C8orf34: variants seen among roughly 807,000 people sequenced by gnomAD.
The protein encoded by C8orf34 is chromosome 8 open reading frame 34, also known as uncharacterized protein C8orf34.
In C8orf34, 65 loss-of-function variants were observed where a neutral mutation model predicts 68.3. That is an observed-to-expected ratio of 0.95 (90% CI 0.78 to 1.17). The LOEUF is 1.17. Ranked by LOEUF, C8orf34 falls within the 50% of genes most tolerant of loss-of-function variation. The pLI, the probability that C8orf34 is intolerant of heterozygous loss-of-function variation, is 0.00. For missense variants in C8orf34, 664 were observed against 655.4 expected (o/e 1.01, Z -0.14); for synonymous variants, 244 against 241.2 (o/e 1.01, Z -0.11).
intron 7 of C8orf34, among the ~76,000 whole-genome samples, chr8:68,540,038 G>A (rs1013528829): frequency 9.2e-5 from 14 of 152,026 alleles, no homozygotes; most frequent in African/African-American, 3.1e-4. Flanking sequence ...AGTCCTATGT[G>A]TGAATTATTT....
chr8:68,536,780 GT>G (rs1815495151), intron 7 of C8orf34, among the ~76,000 whole-genome samples: 1 of 151,992 alleles, frequency 6.6e-6, no homozygotes, highest in Admixed American at 6.6e-5. Flanking sequence ...TATTAATTAT[GT>G]TTTATACTTT....
At chr8:68,400,546 T>A (rs1224322391) in intron 1 of C8orf34, among the ~76,000 whole-genome samples, 1 of 152,118 alleles carries the variant, frequency 6.6e-6, no homozygotes, top group Non-Finnish European at 1.5e-5. Flanking sequence ...TGTTGATCTA[T>A]GTGTCTGTTT....
At chr8:68,430,402 T>C (rs890272543) in intron 1 of C8orf34, among the ~76,000 whole-genome samples, 6 of 152,154 alleles carry the variant, frequency 3.9e-5, no homozygotes, top group African/African-American at 1.4e-4. Flanking sequence ...TGGAGTACTG[T>C]GAGCTATTCT....
At chr8:68,535,072 T>C (rs1815405325) in intron 7 of C8orf34, 32 of 985,324 alleles carry the variant, frequency 3.2e-5, no homozygotes, top group Non-Finnish European at 3.9e-5. Flanking sequence ...TATCCTCTTA[T>C]AGCTTGGAAT....
At chr8:68,783,197 A>G (rs943212672) in intron 11 of C8orf34, among the ~76,000 whole-genome samples, 1 of 152,184 alleles carries the variant, frequency 6.6e-6, no homozygotes, top group Non-Finnish European at 1.5e-5. Context: ...GGACTGCTGA[A>G]GGCAACCTGC....
intron 7 of C8orf34, among the ~76,000 whole-genome samples, chr8:68,632,091 A>G (rs1357242534): frequency 1.3e-5 from 2 of 152,158 alleles, no homozygotes; most frequent in Non-Finnish European, 2.9e-5. Context: ...AAGATGTGGG[A>G]AAGTTTGGAA....
chr8:68,330,877 G>A (rs1281738624), upstream of C8orf34: 7 of 721,264 alleles, frequency 9.7e-6, no homozygotes, highest in Non-Finnish European at 1.4e-5. Flanking sequence ...TGCGCCCCTC[G>A]ACACAGCTCG....
intron 4 of C8orf34, among the ~76,000 whole-genome samples, chr8:68,482,533 C>T (rs1284406832): frequency 2.0e-5 from 3 of 152,090 alleles, no homozygotes; most frequent in African/African-American, 7.2e-5. Context: ...CCTCGGCTTC[C>T]CAAAGTGTTA....
intron 8 of C8orf34, among the ~76,000 whole-genome samples, chr8:68,650,848 T>C (rs1008255616): frequency 6.6e-6 from 1 of 152,140 alleles, no homozygotes; most frequent in South Asian, 2.1e-4. Flanking sequence ...TTCTTCACTA[T>C]ATACGTGGTG....
chr8:68,666,765 A>T (rs1183354112), intron 8 of C8orf34, among the ~76,000 whole-genome samples: 1 of 152,188 alleles, frequency 6.6e-6, no homozygotes. Flanking sequence ...TACAAAAAGA[A>T]ACAATTTAGA....
chr8:68,673,557 A>C (rs1436581871), intron 8 of C8orf34, among the ~76,000 whole-genome samples: 2 of 152,092 alleles, frequency 1.3e-5, no homozygotes, highest in Non-Finnish European at 1.5e-5. Context: ...TCTGCTTGTG[A>C]AAACAGAAGA....
At position 68,331,312 on chromosome 8, in the gene C8orf34, G is replaced by A. The variant is rs1382347250; in HGVS notation, c.300G>A (p.Glu100=). Residue 100 remains glutamate (E), a synonymous_variant, in exon 1 of 14, where the codon GAG becomes GAA. Transcript: ENST00000518698. The part of the protein sequence containing the change: ...HPQTRIQAYL[E]KNKIGPLFEE... ...AAACCCGGATCCAGGCTTACCTGGA[G>A]AAGAACAAGATCGGTCCCCTGTTTG... 6.5e-7 allele frequency: 1 copy of A among 1,536,504 alleles called. No individual in the cohort carries two copies. The highest frequency in any genetic ancestry group is 8.7e-7 in the Non-Finnish European group (1 of 1,146,996).
At chr8:68,715,655 T>TAA (rs59970473) in intron 9 of C8orf34, among the ~76,000 whole-genome samples, 1 of 140,724 alleles carries the variant, frequency 7.1e-6, no homozygotes, top group East Asian at 2.1e-4. Flanking sequence ...CTATAAAAAA[T>TAA]AAAAAAAAAA....
intron 7 of C8orf34, chr8:68,534,531 G>A (rs924115530): frequency 2.7e-6 from 2 of 736,214 alleles, no homozygotes; most frequent in Non-Finnish European, 3.3e-6. Flanking sequence ...TGTGTATAGG[G>A]GTAACACCTA....
intron 1 of C8orf34, among the ~76,000 whole-genome samples, chr8:68,415,975 C>T (rs1809647740): frequency 6.6e-6 from 1 of 152,154 alleles, no homozygotes; most frequent in East Asian, 1.9e-4. Flanking sequence ...ACCCCAATTT[C>T]CTTATTCTAA....
chr8:68,612,136 G>A (rs1339400892), intron 7 of C8orf34, among the ~76,000 whole-genome samples: 2 of 151,974 alleles, frequency 1.3e-5, no homozygotes, highest in Non-Finnish European at 2.9e-5. Flanking sequence ...CGGTCATCTC[G>A]TATCATTATC....
chr8:68,684,792 A>T (rs1011272242), intron 8 of C8orf34, among the ~76,000 whole-genome samples: 4 of 151,824 alleles, frequency 2.6e-5, no homozygotes, highest in Middle Eastern at 3.2e-3. Flanking sequence ...TATTAAAAAA[A>T]AAATATTTTT....
At chr8:68,462,158 A>G (rs1451561645) in intron 3 of C8orf34, among the ~76,000 whole-genome samples, 1 of 152,128 alleles carries the variant, frequency 6.6e-6, no homozygotes, top group Non-Finnish European at 1.5e-5. Flanking sequence ...CTGATAAAAC[A>G]GACTTTAAAC....
At chr8:68,768,277 A>G (rs545629186) in intron 10 of C8orf34, among the ~76,000 whole-genome samples, 16 of 152,222 alleles carry the variant, frequency 1.1e-4, no homozygotes, top group African/African-American at 3.1e-4. Context: ...CTTACATTGT[A>G]TATTTCCTGC....
Sources: allele counts gnomAD v4.1 joint callset (sites outside exome capture counted in the v4.1 genomes callset), GRCh38; gene constraint gnomAD v4.1.1; transcripts MANE v1.5; gene names NCBI Gene and HGNC (gene_info 2026-07-23, HGNC 2026-07-21).